CRISPLD1: variants seen among roughly 807,000 people sequenced by gnomAD.
CRISPLD1 encodes the protein cysteine rich secretory protein LCCL domain containing 1, also known as cysteine-rich secretory protein LCCL domain-containing 1.
CRISPLD1 carries 60 observed loss-of-function variants against 77.5 expected under a neutral mutation model. The ratio of observed to expected loss-of-function variants is 0.77; its 90% CI spans 0.63 to 0.96. The LOEUF (loss-of-function observed/expected upper bound fraction) is 0.96. Among genes scored for constraint, CRISPLD1 ranks in the 40% least tolerant of loss-of-function variants. The probability of loss-of-function intolerance (pLI) is 0.00; values close to 1 mark genes in which losing one functional copy is unlikely to be tolerated. For synonymous variants in CRISPLD1, 195 were observed against 200.1 expected, an observed-to-expected ratio of 0.97 and a Z score of 0.22; for missense variants, 623 against 615.8, an observed-to-expected ratio of 1.01 and a Z score of -0.12.
intron 3 of CRISPLD1, 44 bp downstream of exon 3, chr8:75,012,595 T>G (rs771292882): frequency 1.5e-5 from 19 of 1,251,872 alleles, no homozygotes; most frequent in Non-Finnish European, 2.1e-5. Context: ...AATAAGTGTT[T>G]AAAATGAAGT....
At chr8:75,011,288 A>G (rs1381136298) in intron 2 of CRISPLD1, among the ~76,000 whole-genome samples, 4 of 61,010 alleles carry the variant, frequency 6.6e-5, no homozygotes, top group South Asian at 1.2e-3. Flanking sequence ...CCCCCACCCC[A>G]CAACAGTCCC....
At chr8:75,025,231 A>G (rs2128788265) in intron 12 of CRISPLD1, among the ~76,000 whole-genome samples, 1 of 152,300 alleles carries the variant, frequency 6.6e-6, no homozygotes, top group East Asian at 1.9e-4. Context: ...GGTTTACTAA[A>G]TTCTACAGAT....
At chr8:74,986,369 G>T in intron 2 of CRISPLD1, 124 bp downstream of exon 2, 5 of 1,015,490 alleles carry the variant, frequency 4.9e-6, no homozygotes, top group South Asian at 1.6e-5. Flanking sequence ...TTCTTTGAGG[G>T]TATTTTCCTC....
chr8:75,012,928 AT>A lies in CRISPLD1; in HGVS notation c.417del (p.Asp139GlufsTer3). 3 of 1,612,930 alleles carry A rather than the reference AT, an allele frequency of 1.9e-6. No homozygotes were observed. Among genetic ancestry groups the A allele is most frequent in the Non-Finnish European group, 8.5e-7 (1 of 1,179,320 alleles). The stretch of plus-strand genomic sequence containing the variant: ...ACGTTTCATGTACAATCGTGGTATG[AT>A]GAAGTGAAAGACTTTAGCTACCCAT... ...PPTFHVQSWYDEVKDFSYPYE... is the reference protein window; with the variant it reads ...PPTFHVQSWYXEVKDFSYPYE... On this transcript the variant is annotated frameshift_variant, in exon 4 of 15. Coordinates refer to ENST00000262207, the MANE Select transcript of CRISPLD1 (RefSeq NM_031461.6). LOFTEE classifies it high-confidence loss of function.
chr8:75,011,056 T>G (rs1812920333), intron 2 of CRISPLD1, among the ~76,000 whole-genome samples: 1 of 152,032 alleles, frequency 6.6e-6, no homozygotes, highest in South Asian at 2.1e-4. Context: ...TTACCTTTTC[T>G]TTCGCTTACC....
intron 10 of CRISPLD1, among the ~76,000 whole-genome samples, chr8:75,018,131 A>G (rs747857016): frequency 6.6e-6 from 1 of 152,180 alleles, no homozygotes; most frequent in Non-Finnish European, 1.5e-5. Flanking sequence ...TCCTTTTCTT[A>G]GGAAATTTGA....
chr8:75,000,500 A>G, intron 2 of CRISPLD1: 1 of 884,682 alleles, frequency 1.1e-6, no homozygotes, highest in Non-Finnish European at 1.4e-6. Flanking sequence ...TTGATGCTGA[A>G]CAAATCTTGC....
chr8:75,019,701 A>T (rs1008158979), intron 10 of CRISPLD1, among the ~76,000 whole-genome samples, 169 bp from the exon 11 acceptor site: 1 of 152,172 alleles, frequency 6.6e-6, no homozygotes, highest in Non-Finnish European at 1.5e-5. Flanking sequence ...CCTGATGGTA[A>T]TATGGATTTA....
intron 2 of CRISPLD1, chr8:75,000,259 T>A: frequency 1.0e-6 from 1 of 985,148 alleles, no homozygotes; most frequent in Non-Finnish European, 1.2e-6. Context: ...AGTGAATGAA[T>A]GAGATCAGAT....
chr8:75,004,364 A>G (rs1812793670), intron 2 of CRISPLD1, among the ~76,000 whole-genome samples: 1 of 152,170 alleles, frequency 6.6e-6, no homozygotes, highest in African/African-American at 2.4e-5. Flanking sequence ...ATTTAATACC[A>G]GATGATTTAG....
At chr8:75,016,523 T>TA in intron 6 of CRISPLD1, 42 bp from the exon 7 acceptor site, 1 of 1,556,610 alleles carries the variant, frequency 6.4e-7, no homozygotes, top group Non-Finnish European at 8.7e-7. Context: ...CATGCACATG[T>TA]AAAATAGGGT....
In CRISPLD1 at chr8:75,016,615, G is replaced by T. The variant is rs772476518; in HGVS notation, c.778G>T (p.Glu260Ter). ...PPREEETNEI[E>*]RQQSQVHDTH... Reference sequence around the variant, plus strand: ...TCGAGAAGAGGAAACAAATGAAATAGAACGACAGCAGTCACAAGTCCATGA... The same window carrying T: ...TCGAGAAGAGGAAACAAATGAAATATAACGACAGCAGTCACAAGTCCATGA... The change falls in exon 7 of 15, where the codon GAA (glutamate) becomes TAA (stop). Residue 260 changes from glutamate (E) to a stop codon, truncating the protein, a stop_gained. Coordinates refer to ENST00000262207, the MANE Select transcript of CRISPLD1 (RefSeq NM_031461.6). LOFTEE classifies it high-confidence loss of function. 6.2e-7 allele frequency: 1 copy of T among 1,613,520 alleles called. No individual in the cohort carries two copies. The highest frequency in any genetic ancestry group is 1.7e-5 in the Admixed American group (1 of 59,996).
intron 12 of CRISPLD1, among the ~76,000 whole-genome samples, chr8:75,021,265 CT>C (rs1813131014): frequency 6.6e-6 from 1 of 152,142 alleles, no homozygotes; most frequent in Non-Finnish European, 1.5e-5. Context: ...TAGCGGAAGA[CT>C]GTGATCTTCA....
intron 2 of CRISPLD1, chr8:75,000,051 G>T: frequency 1.4e-6 from 1 of 712,478 alleles, no homozygotes; most frequent in Non-Finnish European, 1.7e-6. Flanking sequence ...CTAGATACAA[G>T]GATAATGAGC....
chr8:74,991,756 C>T (rs1485814744), intron 2 of CRISPLD1, among the ~76,000 whole-genome samples: 3 of 152,084 alleles, frequency 2.0e-5, no homozygotes, highest in Non-Finnish European at 4.4e-5. Flanking sequence ...TCTCGAACTC[C>T]TCACCTCAGG....
At chr8:75,019,339 G>C (rs985266195) in intron 10 of CRISPLD1, among the ~76,000 whole-genome samples, 1 of 152,164 alleles carries the variant, frequency 6.6e-6, no homozygotes, top group East Asian at 1.9e-4. Flanking sequence ...GTATAATTAT[G>C]TGCCTAATCT....
intron 13 of CRISPLD1, among the ~76,000 whole-genome samples, chr8:75,026,272 G>A (rs1467109952): frequency 1.3e-5 from 2 of 152,112 alleles, no homozygotes; most frequent in Non-Finnish European, 2.9e-5. Context: ...GTAGAGATGG[G>A]GTCTCACTGT....
rs1945 is a variant in CRISPLD1 at position 75,016,693 on chromosome 8, G to T, written c.856G>T (p.Ala286Ser). Reference protein sequence around the residue: ...DDSSRNEVISAQQMSQIVSCE... With the variant: ...DDSSRNEVISSQQMSQIVSCE... Reference sequence around the variant, plus strand: ...TAGTAGCAGAAATGAAGTCATAAGCGCACAGCAAATGTGTAAGACCTCCAT... The same window carrying T: ...TAGTAGCAGAAATGAAGTCATAAGCTCACAGCAAATGTGTAAGACCTCCAT... The change falls in exon 7 of 15, where the codon GCA (alanine) becomes TCA (serine). Residue 286 changes from alanine to serine, a missense_variant. Coordinates refer to ENST00000262207, the MANE Select transcript of CRISPLD1 (RefSeq NM_031461.6). 19,305 of 1,611,916 alleles carry T rather than the reference G, an allele frequency of 0.012. 145 individuals carry two copies. The highest frequency in any genetic ancestry group is 0.015 in the Non-Finnish European group (17,458 of 1,178,802).
intron 2 of CRISPLD1, chr8:75,000,034 G>A: frequency 1.9e-6 from 1 of 524,498 alleles, no homozygotes; most frequent in Non-Finnish European, 2.4e-6. Context: ...GGGTTGGAAG[G>A]CAGCAACTAG....
Sources: allele counts gnomAD v4.1 joint callset (sites outside exome capture counted in the v4.1 genomes callset), GRCh38; gene constraint gnomAD v4.1.1; transcripts MANE v1.5; gene names NCBI Gene and HGNC (gene_info 2026-07-23, HGNC 2026-07-21).